MAP2K7: variants seen among roughly 807,000 people sequenced by gnomAD.
MAP2K7 encodes mitogen-activated protein kinase kinase 7, also known as dual specificity mitogen-activated protein kinase kinase 7.
Under a neutral mutation model 47.7 loss-of-function variants are expected in MAP2K7, and 12 were observed. That is an observed-to-expected ratio of 0.25 (90% CI 0.16 to 0.41). The LOEUF (loss-of-function observed/expected upper bound fraction) is 0.41, where lower values mean the gene tolerates loss of function less well. MAP2K7 is among the 10% of genes least tolerant of loss of function. The pLI, the probability that MAP2K7 is intolerant of heterozygous loss-of-function variation, is 1.00. For synonymous variants in MAP2K7, 299 were observed against 243.0 expected (o/e 1.23, Z -2.14); for missense variants, 415 against 600.3 (o/e 0.69, Z 3.23).
intron 1 of MAP2K7, among the ~76,000 whole-genome samples, chr19:7,905,641 C>T (rs948151520): frequency 1.3e-5 from 2 of 152,166 alleles, no homozygotes; most frequent in Non-Finnish European, 2.9e-5. Context: ...TCAACTCCAT[C>T]CCATCCTCCC....
chr19:7,908,240 G>A (rs1982590657), intron 1 of MAP2K7, among the ~76,000 whole-genome samples: 2 of 151,800 alleles, frequency 1.3e-5, no homozygotes, highest in Admixed American at 6.5e-5. Context: ...GAGGGGCACG[G>A]GAGGTGAGGC....
Position 7,904,071 on chromosome 19 carries a change from A to G in MAP2K7, c.124+3A>G, listed in dbSNP as rs772612343. 9.6e-6 allele frequency: 9 copies of G among 939,278 alleles called. No individual in the cohort carries two copies. The South Asian group carries it at 1.4e-4, about 14-fold the overall frequency. The allele number at this position is 939,278 out of a possible 1,614,324, so 58.2% of individuals were successfully genotyped here. A position where few individuals can be genotyped will look rare whatever the true frequency, so the allele number is the denominator to read the frequency against. ...CAGCCCCCAGCGGCCCAGGCCCAGT[A>G]AGCACGGCGGCGTGGGGGAGGGGGC... is the stretch of plus-strand genomic sequence containing the variant. On this transcript the variant is annotated splice_donor_region_variant and intron_variant, in intron 1 of 10. Coordinates refer to ENST00000397979, the MANE Select transcript of MAP2K7 (RefSeq NM_145185.4).
rs1331773120 is a variant in MAP2K7, at chr19:7,912,328, T to C, written c.1157T>C (p.Leu386Pro). 1.9e-6 allele frequency: 3 copies of C among 1,613,310 alleles called. No homozygotes were observed. Among genetic ancestry groups the C allele is most frequent in the African/African-American group, 1.3e-5 (1 of 74,812 alleles). ...AGCTTCATCAAGCGCTACGAGACGC[T>C]GGAGGTGGACGTGGCGTCCTGGTTC... ...EHSFIKRYET[L>P]EVDVASWFKD... Residue 386 changes from leucine to proline, a missense_variant, in exon 11 of 11, where the codon CTG becomes CCG. Transcript: ENST00000397979.
rs28395773 is a variant in MAP2K7 at position 7,910,319 on chromosome 19, C to T, written c.393C>T (p.Cys131=). The change falls in exon 4 of 11, where the codon TGC becomes TGT. Residue 131 remains cysteine (C), a synonymous_variant. Coordinates refer to ENST00000397979, the MANE Select transcript of MAP2K7 (RefSeq NM_145185.4). ...ENLGEMGSGT[C]GQVWKMRFRK... is the part of the protein sequence containing the mutation. ...TGGGCGAGATGGGCAGCGGCACCTG[C>T]GGCCAGGTGTGGAAGATGCGCTTCC... The T allele has an allele frequency of 5.4e-3, 8,695 of 1,613,268 alleles. 368 individuals are homozygous for T. In the African/African-American group the frequency reaches 0.097, roughly 18 times the overall value.
rs2145125062 is a variant in MAP2K7 at position 7,903,957 on chromosome 19, T to C, written c.13T>C (p.Ser5Pro). ...GGCGGCGGGGAAGATGGCGGCGTCCTCCCTGGAACAGAAGCTGTCCCGCCT... is the reference window on the plus strand; with the variant it reads ...GGCGGCGGGGAAGATGGCGGCGTCCCCCCTGGAACAGAAGCTGTCCCGCCT... MAAS[S>P]LEQKLSRLEA... Residue 5 changes from serine (S) to proline (P), a missense_variant, in exon 1 of 11, where the codon TCC (serine) becomes CCC (proline). This residue lies in a region of MAP2K7 where 115 missense variants were observed against 126.2 expected (regional missense o/e 0.91). Transcript: ENST00000397979. 8 of 1,539,204 alleles carry C rather than the reference T, an allele frequency of 5.2e-6. No homozygotes were observed. The highest frequency in any genetic ancestry group is 7.0e-6 in the Non-Finnish European group (8 of 1,144,422).
intron 3 of MAP2K7, 64 bp downstream of exon 3, chr19:7,910,193 C>A: frequency 6.3e-7 from 1 of 1,596,546 alleles, no homozygotes; most frequent in South Asian, 1.1e-5. Context: ...ATCCTGGGAG[C>A]GCCAGTGGGG....
At chr19:7,904,732 C>T (rs1311015768) in intron 1 of MAP2K7, among the ~76,000 whole-genome samples, 1 of 152,102 alleles carries the variant, frequency 6.6e-6, no homozygotes, top group African/African-American at 2.4e-5. Context: ...CCCGCAAATC[C>T]CTGTGACCAG....
chr19:7,909,750 C>G lies in MAP2K7; in HGVS notation c.125-5C>G, dbSNP rs755392482. 23 of 1,539,326 alleles carry G rather than the reference C, an allele frequency of 1.5e-5. No individual in the cohort carries two copies. The Admixed American group carries it at 1.6e-4, about 11-fold the overall frequency. The stretch of plus-strand genomic sequence containing the variant: ...CCTCCCTGCCACTGGTTCTCACCCC[C>G]CTAGCCCTGCAGCTCCCGCTGGCCA... On this transcript the variant is annotated splice_region_variant and splice_polypyrimidine_tract_variant and intron_variant, in intron 1 of 10. Transcript: ENST00000397979.
chr19:7,912,311 C>G lies in MAP2K7; in HGVS notation c.1140C>G (p.Ile380Met). 1 of 1,613,766 alleles carries G rather than the reference C, an allele frequency of 6.2e-7. No homozygotes were observed. Among genetic ancestry groups the G allele is most frequent in the Non-Finnish European group, 8.5e-7 (1 of 1,179,980 alleles). ...CGGGCCCACAGGAACACAGCTTCATCAAGCGCTACGAGACGCTGGAGGTGG... is the reference window on the plus strand; with the variant it reads ...CGGGCCCACAGGAACACAGCTTCATGAAGCGCTACGAGACGCTGGAGGTGG... ...KYNKLLEHSF[I>M]KRYETLEVDV... Residue 380 changes from isoleucine (I) to methionine (M), a missense_variant, in exon 11 of 11, where the codon ATC becomes ATG. By Grantham distance (10) the Ile-to-Met change is conservative. This residue lies in a region of MAP2K7 where 94 missense variants were observed against 105.2 expected (regional missense o/e 0.89). Transcript: ENST00000397979.
Position 7,909,822 on chromosome 19 carries a change from C to A in MAP2K7, c.192C>A (p.His64Gln). The A allele has an allele frequency of 1.9e-6, 3 of 1,541,654 alleles. No individual in the cohort carries two copies. Among genetic ancestry groups the A allele is most frequent in the Non-Finnish European group, 2.6e-6 (3 of 1,144,802 alleles). ...CATCCTCAGAGAGCTCCCCGCAGCA[C>A]CCCACGCCCCCCGCCCGGCCCCGCC... ...RSPSSESSPQHPTPPARPRHM... is the reference protein window; with the variant it reads ...RSPSSESSPQQPTPPARPRHM... The change falls in exon 2 of 11, where the codon CAC becomes CAA. Residue 64 changes from histidine (H) to glutamine (Q), a missense_variant. Coordinates refer to ENST00000397979, the MANE Select transcript of MAP2K7 (RefSeq NM_145185.4).
chr19:7,910,866 G>A (rs1344924315), intron 6 of MAP2K7, 63 bp downstream of exon 6: 21 of 1,569,928 alleles, frequency 1.3e-5, no homozygotes, highest in Non-Finnish European at 1.7e-5. Context: ...ACCAGGCGGG[G>A]CGTGCACTGG....
intron 1 of MAP2K7, 34 bp downstream of exon 1, chr19:7,904,102 G>A: frequency 2.6e-6 from 3 of 1,159,002 alleles, no homozygotes; most frequent in Non-Finnish European, 2.2e-6. Flanking sequence ...GGGGCGGGCG[G>A]GCGGGGCGGG....
In MAP2K7 at chr19:7,914,343, AGGGT is replaced by A. The variant is rs1294548133; in HGVS notation, c.*1915_*1918del. 1 of 152,246 alleles carries A rather than the reference AGGGT, an allele frequency of 6.6e-6. No individual in the cohort carries two copies. Among genetic ancestry groups the A allele is most frequent in the African/African-American group, 2.4e-5 (1 of 41,408 alleles). 9.4% of individuals were successfully genotyped at this position (152,246 alleles called of 1,614,324 possible). A position where few individuals can be genotyped will look rare whatever the true frequency, so the allele number is the denominator to read the frequency against. ...GGCGGACCGGGTGGGCAGGGGCCTG[AGGGT>A]GGCTCGGGCCAGCCCACCAGCCAAT... On this transcript the variant is annotated 3_prime_UTR_variant, in exon 11 of 11. Transcript: ENST00000397979.
rs1012616632 is a variant in MAP2K7 at position 7,914,064 on chromosome 19, C to T, written c.*1633C>T. ...TGCCAACAGGCCTGGCCCTTTCCTC[C>T]CCTGCATCCAGCCATGGGGGCCTCT... is the stretch of plus-strand genomic sequence containing the variant. On this transcript the variant is annotated 3_prime_UTR_variant, in exon 11 of 11. Coordinates refer to ENST00000397979, the MANE Select transcript of MAP2K7 (RefSeq NM_145185.4). 7 of 152,384 alleles carry T rather than the reference C, an allele frequency of 4.6e-5. No individual in the cohort carries two copies. The highest frequency in any genetic ancestry group is 1.9e-4 in the East Asian group (1 of 5,184). 9.4% of individuals were successfully genotyped at this position (152,384 alleles called of 1,614,324 possible). A position where few individuals can be genotyped will look rare whatever the true frequency, so the allele number is the denominator to read the frequency against.
chr19:7,910,140 C>A lies in MAP2K7; in HGVS notation c.333+11C>A. 6.2e-7 allele frequency: 1 copy of A among 1,604,720 alleles called. No individual in the cohort carries two copies. On this transcript the variant is annotated intron_variant, in intron 3 of 10. Transcript: ENST00000397979. ...ACCATCGGGGGCCAGGTACCACCTT[C>A]ACTGTGGCGGGGAGAGGGAGGAGGC...
At chr19:7,909,362 A>G (rs1156604302) in intron 1 of MAP2K7, among the ~76,000 whole-genome samples, 3 of 152,192 alleles carry the variant, frequency 2.0e-5, no homozygotes, top group Admixed American at 6.5e-5. Flanking sequence ...GCCCTGGCCT[A>G]TCCATCCTGT....
At chr19:7,909,956 C>T (rs1381287267) in intron 2 of MAP2K7, 60 bp downstream of exon 2, 1 of 1,505,058 alleles carries the variant, frequency 6.6e-7, no homozygotes, top group Non-Finnish European at 8.9e-7. Flanking sequence ...ACCGTGCCAG[C>T]CCTGGGAGGA....
chr19:7,911,418 T>C lies in MAP2K7; in HGVS notation c.937-18T>C. 1 of 1,613,252 alleles carries C rather than the reference T, an allele frequency of 6.2e-7. No homozygotes were observed. The highest frequency in any genetic ancestry group is 8.5e-7 in the Non-Finnish European group (1 of 1,179,806). ...AGGAGAACATAAACCTGTCCAGCCCTGCCCGTCTCCCTCCCAGGTGGAGCT... is the reference window on the plus strand; with the variant it reads ...AGGAGAACATAAACCTGTCCAGCCCCGCCCGTCTCCCTCCCAGGTGGAGCT... On this transcript the variant is annotated intron_variant, in intron 8 of 10. Transcript: ENST00000397979.
intron 9 of MAP2K7, 76 bp downstream of exon 9, chr19:7,911,654 G>C: frequency 7.0e-7 from 1 of 1,420,164 alleles, no homozygotes; most frequent in East Asian, 2.5e-5. Context: ...TGGCAGGAGG[G>C]GAATGGAGGC....
Sources: gnomAD v4.1 joint callset for allele counts (sites outside exome capture counted in the v4.1 genomes callset) on GRCh38, gnomAD v4.1.1 for gene constraint, gnomAD v4.1.1 regional missense constraint, MANE v1.5 for transcripts, NCBI Gene and HGNC (gene_info 2026-07-23, HGNC 2026-07-21) for gene names.